UNK: variants seen among roughly 807,000 people sequenced by gnomAD.
UNK encodes the protein RING finger protein unkempt homolog.
A neutral mutation model predicts 97.6 loss-of-function variants in UNK; 32 were observed. The ratio of observed to expected loss-of-function variants is 0.33; its 90% CI spans 0.25 to 0.44. UNK has a LOEUF of 0.44. Among genes scored for constraint, UNK ranks in the 20% least tolerant of loss-of-function variants. The pLI is 1.00. For synonymous variants in UNK, 441 were observed against 461.2 expected (o/e 0.96, Z 0.56); for missense variants, 771 against 1,098.4 (o/e 0.70, Z 4.21).
chr17:75,793,799 C>T (rs968531167), intron 1 of UNK: 12 of 985,414 alleles, frequency 1.2e-5, no homozygotes, highest in Non-Finnish European at 1.4e-5. Flanking sequence ...CCATGTCCCA[C>T]CTTCCTATGA....
intron 4 of UNK, 60 bp downstream of exon 4, chr17:75,812,645 G>A: frequency 6.4e-7 from 1 of 1,567,746 alleles, no homozygotes; most frequent in Non-Finnish European, 8.7e-7. Flanking sequence ...GCTGCCCTGG[G>A]GATTTGGCTC....
At chr17:75,804,110 C>G (rs956452440) in intron 1 of UNK, among the ~76,000 whole-genome samples, 1 of 152,182 alleles carries the variant, frequency 6.6e-6, no homozygotes, top group Non-Finnish European at 1.5e-5. Flanking sequence ...GGCTATAGTT[C>G]TATCAGGGAT....
At chr17:75,807,438 A>ATT (rs924223121) in intron 1 of UNK, among the ~76,000 whole-genome samples, 5 of 152,186 alleles carry the variant, frequency 3.3e-5, no homozygotes, top group African/African-American at 1.2e-4. Flanking sequence ...GGAAACAGAT[A>ATT]ATTTATGTAT....
intron 1 of UNK, 51 bp downstream of exon 1, chr17:75,785,035 G>T: frequency 6.2e-6 from 8 of 1,291,918 alleles, no homozygotes; most frequent in Non-Finnish European, 8.2e-6. Flanking sequence ...GACGTCAGCG[G>T]CCAGCGTGAG....
intron 1 of UNK, chr17:75,785,250 A>G (rs907030871): frequency 6.8e-6 from 3 of 438,080 alleles, no homozygotes; most frequent in Admixed American, 8.9e-5. Flanking sequence ...CACTCTCCCT[A>G]GGCCAGGCCT....
intron 1 of UNK, among the ~76,000 whole-genome samples, chr17:75,798,350 A>C (rs4788911): frequency 0.89 from 135,780 of 151,796 alleles, 61,280 homozygotes; most frequent in Non-Finnish European, 0.96. Flanking sequence ...ATTACAGGCA[A>C]GAGCCACCAC....
At chr17:75,810,385 A>T (rs1256586646) in intron 2 of UNK, among the ~76,000 whole-genome samples, 1 of 152,092 alleles carries the variant, frequency 6.6e-6, no homozygotes, top group Admixed American at 6.6e-5. Flanking sequence ...GCACTGACAG[A>T]CACAGGGAGG....
At chr17:75,798,164 G>A (rs529970269) in intron 1 of UNK, among the ~76,000 whole-genome samples, 10 of 151,402 alleles carry the variant, frequency 6.6e-5, no homozygotes, top group South Asian at 2.1e-4. Flanking sequence ...TCCGCCTCCC[G>A]GGTTCAAGCG....
chr17:75,820,515 A>G (rs1193850126), intron 13 of UNK, among the ~76,000 whole-genome samples: 1 of 152,148 alleles, frequency 6.6e-6, no homozygotes. Flanking sequence ...CCAGGTTCAC[A>G]GGGGACCAAG....
Position 75,822,583 on chromosome 17 carries a change from C to T in UNK, c.1944C>T (p.Ala648=). 6.2e-7 allele frequency: 1 copy of T among 1,613,532 alleles called. No homozygotes were observed. The highest frequency in any genetic ancestry group is 8.5e-7 in the Non-Finnish European group (1 of 1,179,830). Residue 648 remains alanine (A), a synonymous_variant, in exon 14 of 16, where the codon GCC becomes GCT. Transcript: ENST00000589666. ...CAGGGCCAGGGGCTGCCGAGCTGGCCCGACTTCGGCAAGAGCTGGATGAAG... is the reference window on the plus strand; with the variant it reads ...CAGGGCCAGGGGCTGCCGAGCTGGCTCGACTTCGGCAAGAGCTGGATGAAG... ...FLSGPGAAEL[A]RLRQELDEAN...
intron 13 of UNK, 107 bp downstream of exon 13, chr17:75,820,215 G>C: frequency 1.6e-6 from 2 of 1,224,994 alleles, no homozygotes; most frequent in Non-Finnish European, 1.1e-6. Context: ...CTGGGGGTTA[G>C]GGCAGAGGCC....
intron 1 of UNK, chr17:75,793,789 C>T: frequency 1.0e-6 from 1 of 985,372 alleles, no homozygotes; most frequent in Non-Finnish European, 1.2e-6. Context: ...GGGGGAAGGT[C>T]CATGTCCCAC....
chr17:75,816,750 C>A lies in UNK; in HGVS notation c.962-20C>A. 1 of 1,590,538 alleles carries A rather than the reference C, an allele frequency of 6.3e-7. No individual in the cohort carries two copies. Among genetic ancestry groups the A allele is most frequent in the Non-Finnish European group, 8.5e-7 (1 of 1,173,024 alleles). On this transcript the variant is annotated intron_variant, in intron 7 of 15. Coordinates refer to ENST00000589666, the MANE Select transcript of UNK (RefSeq NM_001080419.3). The surrounding 1 kb of genome is among the most constrained non-coding windows in gnomAD (Gnocchi z 4.0). ...CAGAGCTGGCTGGGGCCTGCTGACC[C>A]CTGCCCCTGACTCTTGCAGAGCCAC...
intron 6 of UNK, among the ~76,000 whole-genome samples, chr17:75,814,479 G>A (rs992009863): frequency 3.5e-5 from 4 of 114,150 alleles, no homozygotes; most frequent in Admixed American, 1.2e-4. Flanking sequence ...GTGACAGAGC[G>A]AGACTCCATC....
At chr17:75,798,351 G>A (rs915191608) in intron 1 of UNK, among the ~76,000 whole-genome samples, 6 of 152,032 alleles carry the variant, frequency 3.9e-5, no homozygotes, top group African/African-American at 1.5e-4. Flanking sequence ...TTACAGGCAA[G>A]AGCCACCACG....
chr17:75,808,194 G>T (rs555691629), intron 1 of UNK, among the ~76,000 whole-genome samples: 1 of 152,308 alleles, frequency 6.6e-6, no homozygotes, highest in South Asian at 2.1e-4. Flanking sequence ...TGAGGAATGG[G>T]TATCCCAGCT....
In UNK at chr17:75,816,674, G is replaced by A; in HGVS notation, c.962-96G>A. 7.0e-7 allele frequency: 1 copy of A among 1,424,004 alleles called. No individual in the cohort carries two copies. Among genetic ancestry groups the A allele is most frequent in the Non-Finnish European group, 9.3e-7 (1 of 1,076,014 alleles). The allele number at this position is 1,424,004 out of a possible 1,614,324, so 88.2% of individuals were successfully genotyped here. Reference sequence around the variant, plus strand: ...CGTAGGAACCTTCCCTTTATGTGCAGGGGGATTTGTGGTCTCCTTTGGAAG... The same window carrying A: ...CGTAGGAACCTTCCCTTTATGTGCAAGGGGATTTGTGGTCTCCTTTGGAAG... On this transcript the variant is annotated intron_variant, in intron 7 of 15. Transcript: ENST00000589666. This position sits in a 1 kb window ranked among gnomAD's most constrained non-coding sequence, Gnocchi z 4.0.
chr17:75,810,224 A>T (rs2061956053), intron 2 of UNK, among the ~76,000 whole-genome samples: 1 of 152,220 alleles, frequency 6.6e-6, no homozygotes, highest in Non-Finnish European at 1.5e-5. Context: ...TGAACCCAGG[A>T]GGCTCCCTGG....
chr17:75,822,243 G>A (rs912533119), intron 13 of UNK, among the ~76,000 whole-genome samples: 1 of 152,224 alleles, frequency 6.6e-6, no homozygotes, highest in African/African-American at 2.4e-5. Context: ...GCTGAGCCTC[G>A]GAAGTTGAGT....
Sources: allele counts gnomAD v4.1 joint callset (sites outside exome capture counted in the v4.1 genomes callset), GRCh38; gene constraint gnomAD v4.1.1; non-coding constraint Gnocchi (gnomAD v3.1); transcripts MANE v1.5; gene names NCBI Gene and HGNC (gene_info 2026-07-23, HGNC 2026-07-21).